RPL13A: variants seen among roughly 807,000 people sequenced by gnomAD.
RPL13A encodes large ribosomal subunit protein uL13.
In RPL13A, 4 loss-of-function variants were observed where a neutral mutation model predicts 30.8. The observed-to-expected ratio is 0.13, with a 90% CI of 0.06 to 0.30. The LOEUF is 0.30. Ranked by LOEUF, RPL13A falls within the 10% of genes least tolerant of loss-of-function variation. The pLI, the probability that RPL13A is intolerant of heterozygous loss-of-function variation, is 1.00. For missense variants in RPL13A, 196 were observed against 272.6 expected, an observed-to-expected ratio of 0.72 and a Z score of 1.98; for synonymous variants, 108 against 104.2, an observed-to-expected ratio of 1.04 and a Z score of -0.22.
rs1173895654 is a variant in RPL13A at position 49,491,738 on chromosome 19, A to C, written c.535A>C (p.Lys179Gln). 18 of 1,613,372 alleles carry C rather than the reference A, an allele frequency of 1.1e-5. No homozygotes were observed. Among genetic ancestry groups the C allele is most frequent in the Non-Finnish European group, 1.4e-5 (16 of 1,179,824 alleles). ...RKKKQLMRLR[K>Q]QAEKNVEKKI... is the part of the protein sequence containing the mutation. ...CACTTATTCTTGGCAGAGGCTACGG[A>C]AACAGGCCGAGAAGAACGTGGAGAA... The change falls in exon 8 of 8, where the codon AAA (lysine) becomes CAA (glutamine). Residue 179 changes from lysine (K) to glutamine (Q), a missense_variant. By Grantham distance (53) the Lys-to-Gln change is moderately conservative. Coordinates refer to ENST00000391857, the MANE Select transcript of RPL13A (RefSeq NM_012423.4).
At chr19:49,488,275 A>G (rs1236190386) in intron 1 of RPL13A, among the ~76,000 whole-genome samples, 1 of 152,002 alleles carries the variant, frequency 6.6e-6, no homozygotes, top group East Asian at 1.9e-4. Context: ...GCTGTGATGA[A>G]TGGTTCCACA....
chr19:49,487,759 A>G (rs1263906127), intron 1 of RPL13A, 115 bp downstream of exon 1: 1 of 1,104,770 alleles, frequency 9.1e-7, no homozygotes, highest in Admixed American at 3.5e-5. Context: ...ATAATGAAGC[A>G]AAATGGAAGT....
intron 1 of RPL13A, among the ~76,000 whole-genome samples, chr19:49,489,388 C>A (rs781693100): frequency 1.3e-5 from 2 of 152,000 alleles, no homozygotes; most frequent in Non-Finnish European, 2.9e-5. Flanking sequence ...GTAGTCCCAG[C>A]TACTCATGAG....
chr19:49,490,430 G>A (rs1219143266), intron 3 of RPL13A, 45 bp from the exon 4 acceptor site: 1 of 1,604,160 alleles, frequency 6.2e-7, no homozygotes, highest in Non-Finnish European at 8.5e-7. Context: ...GGGTTTTGGG[G>A]GTGCTGGTAG....
At chr19:49,490,651 A>C (rs2079856633) in intron 4 of RPL13A, 75 bp downstream of exon 4, 1 of 1,578,954 alleles carries the variant, frequency 6.3e-7, no homozygotes, top group African/African-American at 1.3e-5. Flanking sequence ...CTCACATTCG[A>C]GTTTCCCGAC....
intron 1 of RPL13A, 25 bp from the exon 2 acceptor site, chr19:49,489,825 G>T: frequency 6.5e-7 from 1 of 1,538,158 alleles, no homozygotes; most frequent in Non-Finnish European, 8.6e-7. Context: ...TTGTCTCTGA[G>T]TCCTTTTGCC....
chr19:49,487,740 T>C, intron 1 of RPL13A, 96 bp downstream of exon 1: 1 of 1,279,366 alleles, frequency 7.8e-7, no homozygotes, highest in Non-Finnish European at 1.0e-6. Flanking sequence ...TTTGCGGAGC[T>C]TAACATCCAT....
intron 1 of RPL13A, among the ~76,000 whole-genome samples, chr19:49,488,406 G>C (rs555647689): frequency 6.6e-6 from 1 of 152,342 alleles, no homozygotes; most frequent in South Asian, 2.1e-4. Flanking sequence ...GTCTGTTGTT[G>C]GGGCGGGTGA....
At chr19:49,491,675 A>G in intron 7 of RPL13A, 54 bp from the exon 8 acceptor site, 1 of 1,587,376 alleles carries the variant, frequency 6.3e-7, no homozygotes, top group African/African-American at 1.3e-5. Flanking sequence ...AGTCCATGTA[A>G]TGAGGGCAAT....
intron 4 of RPL13A, 89 bp downstream of exon 4, chr19:49,490,665 G>T (rs781252271): frequency 1.3e-5 from 20 of 1,573,972 alleles, no homozygotes; most frequent in Non-Finnish European, 1.7e-5. Context: ...TCCCGACCAT[G>T]AGATGACTCC....
intron 1 of RPL13A, among the ~76,000 whole-genome samples, chr19:49,487,939 C>G (rs911002841): frequency 1.9e-4 from 29 of 151,946 alleles, no homozygotes; most frequent in African/African-American, 6.8e-4. Flanking sequence ...GGGTGGGGGC[C>G]CTGGGGTAGA....
At chr19:49,489,493 G>A (rs1213505397) in intron 1 of RPL13A, among the ~76,000 whole-genome samples, 2 of 152,194 alleles carry the variant, frequency 1.3e-5, no homozygotes, top group Non-Finnish European at 1.5e-5. Flanking sequence ...AAATCCTACA[G>A]TTTATTAGTT....
chr19:49,488,903 A>G (rs1305855304), intron 1 of RPL13A, among the ~76,000 whole-genome samples: 1 of 152,164 alleles, frequency 6.6e-6, no homozygotes, highest in Non-Finnish European at 1.5e-5. Flanking sequence ...ACAGGGTTTC[A>G]CCATATTGGC....
At chr19:49,490,057 T>G (rs377338747) in intron 2 of RPL13A, 135 bp downstream of exon 2, 1 of 1,007,218 alleles carries the variant, frequency 9.9e-7, no homozygotes, top group African/African-American at 1.6e-5. Context: ...TGCCAGCCAC[T>G]CTTCCCCAGG....
At chr19:49,490,979 A>G (rs771101301) in intron 5 of RPL13A, 61 bp from the exon 6 acceptor site, 8 of 1,609,992 alleles carry the variant, frequency 5.0e-6, no homozygotes, top group South Asian at 1.1e-5. Flanking sequence ...ACGCCAGTCC[A>G]GCCGACCTCC....
chr19:49,490,661 C>A, intron 4 of RPL13A, 85 bp downstream of exon 4: 2 of 1,571,240 alleles, frequency 1.3e-6, no homozygotes, highest in Non-Finnish European at 1.8e-6. Context: ...AGTTTCCCGA[C>A]CATGAGATGA....
intron 3 of RPL13A, 31 bp downstream of exon 3, chr19:49,490,328 A>G (rs746889534): frequency 9.3e-6 from 15 of 1,609,056 alleles, no homozygotes; most frequent in Non-Finnish European, 1.2e-5. Flanking sequence ...AGCACTGGAG[A>G]GGGTCTCCCT....
chr19:49,488,162 G>C (rs947858320), intron 1 of RPL13A, among the ~76,000 whole-genome samples: 3 of 152,174 alleles, frequency 2.0e-5, no homozygotes, highest in Non-Finnish European at 4.4e-5. Flanking sequence ...GCCTTTCTGC[G>C]GGGGGTCGAG....
In RPL13A at chr19:49,492,090, A is replaced by G. The variant is rs771309357; in HGVS notation, c.*275A>G. On this transcript the variant is annotated 3_prime_UTR_variant, in exon 8 of 8. Coordinates refer to ENST00000391857, the MANE Select transcript of RPL13A (RefSeq NM_012423.4). ...GCCAGAAGACTGATTGGAGGGCCCT[A>G]TCTTGTGAGTGGGGCATCTGTTGGA... 21 of 402,720 alleles carry G rather than the reference A, an allele frequency of 5.2e-5. No individual in the cohort carries two copies. Among genetic ancestry groups the G allele is most frequent in the Admixed American group, 4.2e-4 (11 of 26,192 alleles). The allele number at this position is 402,720 out of a possible 1,614,324, so 24.9% of individuals were successfully genotyped here. A position where few individuals can be genotyped will look rare whatever the true frequency, so the allele number is the denominator to read the frequency against.
Sources: gnomAD v4.1 joint callset for allele counts (sites outside exome capture counted in the v4.1 genomes callset) on GRCh38, gnomAD v4.1.1 for gene constraint, MANE v1.5 for transcripts, NCBI Gene and HGNC (gene_info 2026-07-23, HGNC 2026-07-21) for gene names.